DDX31: variants seen among roughly 807,000 people sequenced by gnomAD.
DDX31 encodes the protein ATP-dependent DNA helicase DDX31.
In DDX31, 70 loss-of-function variants were observed where a neutral mutation model predicts 91.3. The ratio of observed to expected loss-of-function variants is 0.77; its 90% CI spans 0.63 to 0.94. DDX31 has a LOEUF of 0.94. Ranked by LOEUF, DDX31 falls within the 40% of genes least tolerant of loss-of-function variation. The pLI is 0.00. For missense variants in DDX31, 902 were observed against 925.0 expected (o/e 0.98, Z 0.32); for synonymous variants, 362 against 350.6 (o/e 1.03, Z -0.36).
intron 18 of DDX31, among the ~76,000 whole-genome samples, chr9:132,614,633 T>A (rs754440598): frequency 1.3e-5 from 2 of 152,076 alleles, no homozygotes; most frequent in Non-Finnish European, 2.9e-5. Flanking sequence ...TGCAGATGAG[T>A]CCCTGGGCTT....
chr9:132,624,068 G>A (rs1455271634), intron 17 of DDX31, among the ~76,000 whole-genome samples: 1 of 150,028 alleles, frequency 6.7e-6, no homozygotes, highest in African/African-American at 2.5e-5. Flanking sequence ...TCAAGAGGCT[G>A]AGGCAGAAGA....
intron 6 of DDX31, among the ~76,000 whole-genome samples, chr9:132,653,407 T>C (rs1327250686): frequency 2.1e-5 from 3 of 142,200 alleles, no homozygotes; most frequent in East Asian, 2.1e-4. Flanking sequence ...GGCAGGAGAA[T>C]CACTTGAACC....
At chr9:132,618,257 G>A (rs1244735494) in intron 18 of DDX31, 73 bp downstream of exon 18, 1 of 1,308,088 alleles carries the variant, frequency 7.6e-7, no homozygotes, top group Non-Finnish European at 1.1e-6. Context: ...CGGTTTGGGG[G>A]TATGTGGGTG....
At chr9:132,599,905 T>C (rs1221108629) in intron 19 of DDX31, among the ~76,000 whole-genome samples, 2 of 152,258 alleles carry the variant, frequency 1.3e-5, no homozygotes, top group Non-Finnish European at 2.9e-5. Flanking sequence ...CAGGAGACCG[T>C]GAGGACTTCA....
At chr9:132,636,358 T>G (rs1298481978) in intron 14 of DDX31, among the ~76,000 whole-genome samples, 1 of 152,272 alleles carries the variant, frequency 6.6e-6, no homozygotes, top group East Asian at 1.9e-4. Flanking sequence ...TTCTTACATC[T>G]GCAAAGCTCT....
chr9:132,611,917 C>G (rs1465737135), intron 19 of DDX31, among the ~76,000 whole-genome samples, 170 bp downstream of exon 19: 1 of 152,196 alleles, frequency 6.6e-6, no homozygotes. Flanking sequence ...GGAGGCACCC[C>G]TGAATTTCTG....
intron 14 of DDX31, among the ~76,000 whole-genome samples, chr9:132,633,247 T>C (rs1437972597): frequency 6.6e-6 from 1 of 152,212 alleles, no homozygotes; most frequent in African/African-American, 2.4e-5. Context: ...TCAAAAATGA[T>C]CCCATGTCCC....
rs750812307 is a variant in DDX31 at position 132,658,720 on chromosome 9, T to C, written c.539A>G (p.Tyr180Cys). ...SQTGSGKTLAYCIPVVQSLQA... is the reference protein window; with the variant it reads ...SQTGSGKTLACCIPVVQSLQA... ...AAGGGACTGGACCACAGGGATGCAA[T>C]AGGCAAGAGTTTTACCTTTCAAAAA... Residue 180 changes from tyrosine to cysteine, a missense_variant, in exon 6 of 20, where the codon TAT becomes TGT. Transcript: ENST00000372159. The C allele has an allele frequency of 1.3e-5, 21 of 1,613,718 alleles. No individual in the cohort carries two copies. The highest frequency in any genetic ancestry group is 1.8e-5 in the Non-Finnish European group (21 of 1,179,936).
chr9:132,649,298 G>A (rs560061741), intron 9 of DDX31, among the ~76,000 whole-genome samples: 1 of 152,216 alleles, frequency 6.6e-6, no homozygotes, highest in South Asian at 2.1e-4. Flanking sequence ...GTTTGTTTTA[G>A]CAATGGGATA....
intron 14 of DDX31, chr9:132,638,356 G>A (rs1240065552): frequency 6.2e-6 from 10 of 1,614,018 alleles, no homozygotes; most frequent in Admixed American, 5.0e-5. Context: ...CTTAGGGTGA[G>A]TTCTTCACTG....
chr9:132,652,393 G>C lies in DDX31; in HGVS notation c.633+55C>G, dbSNP rs1304766305. 33 of 1,607,696 alleles carry C rather than the reference G, an allele frequency of 2.1e-5. 1 individual carries two copies. In the South Asian group the frequency reaches 3.6e-4, roughly 18 times the overall value. On this transcript the variant is annotated intron_variant, in intron 7 of 19. Coordinates refer to ENST00000372159, the MANE Select transcript of DDX31 (RefSeq NM_022779.9). ...TGGTAAAACCACTTTTAAATTCAAC[G>C]GGACATTAGTGAAAGCATGTGCTTA... is the stretch of plus-strand genomic sequence containing the variant.
intron 19 of DDX31, among the ~76,000 whole-genome samples, chr9:132,597,914 T>C (rs17149327): frequency 0.13 from 19,617 of 152,202 alleles, 1,354 homozygotes; most frequent in Admixed American, 0.18. Context: ...GAGGACGCCG[T>C]TCGAAAGCAC....
chr9:132,615,124 G>GT (rs1431255676), intron 18 of DDX31, among the ~76,000 whole-genome samples: 3 of 152,182 alleles, frequency 2.0e-5, no homozygotes, highest in Non-Finnish European at 4.4e-5. Flanking sequence ...GGCCACCAGA[G>GT]TTCAGCACTT....
chr9:132,655,799 C>G (rs983164099), intron 6 of DDX31, among the ~76,000 whole-genome samples: 1 of 152,174 alleles, frequency 6.6e-6, no homozygotes, highest in Non-Finnish European at 1.5e-5. Flanking sequence ...AAGCTAAGCA[C>G]AGAGTTAACA....
Position 132,651,111 on chromosome 9 carries a change from A to G in DDX31, c.639T>C (p.Ala213=), listed in dbSNP as rs1238232571. 1.9e-6 allele frequency: 3 copies of G among 1,608,766 alleles called. No individual in the cohort carries two copies. Among genetic ancestry groups the G allele is most frequent in the Admixed American group, 1.7e-5 (1 of 59,170 alleles). The part of the protein sequence containing the change: ...ALVLVPTREL[A]LQSFDTVQKL... ...TCTGGACAGTGTCAAAGCTTTGTAGAGCTAGCTGTAAAAATTTTAAAAGTT... is the reference window on the plus strand; with the variant it reads ...TCTGGACAGTGTCAAAGCTTTGTAGGGCTAGCTGTAAAAATTTTAAAAGTT... Residue 213 remains alanine (A), a synonymous_variant, in exon 8 of 20, where the codon GCT becomes GCC. Transcript: ENST00000372159.
At chr9:132,615,284 G>GGC (rs1212959813) in intron 18 of DDX31, among the ~76,000 whole-genome samples, 1 of 151,716 alleles carries the variant, frequency 6.6e-6, no homozygotes, top group African/African-American at 2.4e-5. Context: ...TGACTTGTAA[G>GGC]ATGAAGGAGA....
At chr9:132,621,009 G>C (rs1831995528) in intron 17 of DDX31, among the ~76,000 whole-genome samples, 1 of 152,190 alleles carries the variant, frequency 6.6e-6, no homozygotes, top group African/African-American at 2.4e-5. Context: ...TGAGCAGGGG[G>C]CTCTGAACTT....
Position 132,593,249 on chromosome 9 carries a change from A to G in DDX31, c.*1617T>C, listed in dbSNP as rs1371574871. 2.6e-5 allele frequency: 4 copies of G among 152,186 alleles called. No homozygotes were observed. Among genetic ancestry groups the G allele is most frequent in the African/African-American group, 4.8e-5 (2 of 41,430 alleles). The allele number at this position is 152,186 out of a possible 1,614,324, so 9.4% of individuals were successfully genotyped here. A position where few individuals can be genotyped will look rare whatever the true frequency, so the allele number is the denominator to read the frequency against. ...CTTCTCTTTCCCCCCAGGGATGCCG[A>G]ACTCTGCCAATTCGCCCTTTAGTGG... is the stretch of plus-strand genomic sequence containing the variant. On this transcript the variant is annotated 3_prime_UTR_variant, in exon 20 of 20. Coordinates refer to ENST00000372159, the MANE Select transcript of DDX31 (RefSeq NM_022779.9).
intron 1 of DDX31, among the ~76,000 whole-genome samples, chr9:132,668,849 T>C (rs764332965): frequency 7.9e-5 from 12 of 152,190 alleles, no homozygotes; most frequent in Non-Finnish European, 1.5e-4. Context: ...ATTACAGGCG[T>C]GAGCCACCGC....
Sources: allele counts gnomAD v4.1 joint callset (sites outside exome capture counted in the v4.1 genomes callset), GRCh38; gene constraint gnomAD v4.1.1; transcripts MANE v1.5; gene names NCBI Gene and HGNC (gene_info 2026-07-23, HGNC 2026-07-21).